ALG5: variants seen among roughly 807,000 people sequenced by gnomAD.
ALG5 encodes the protein ALG5 dolichyl-phosphate beta-glucosyltransferase, also known as dolichyl-phosphate beta-glucosyltransferase.
In ALG5, 26 loss-of-function variants were observed where a neutral mutation model predicts 51.8. That is an observed-to-expected ratio of 0.50 (90% CI 0.37 to 0.70). The LOEUF is 0.70. Ranked by LOEUF, ALG5 falls within the 30% of genes least tolerant of loss-of-function variation. The pLI, the probability that ALG5 is intolerant of heterozygous loss-of-function variation, is 0.00. For synonymous variants in ALG5, 141 were observed against 136.1 expected (o/e 1.04, Z -0.25); for missense variants, 311 against 399.3 (o/e 0.78, Z 1.88).
intron 1 of ALG5, among the ~76,000 whole-genome samples, chr13:36,996,725 T>TA (rs1449115755): frequency 6.6e-6 from 1 of 152,226 alleles, no homozygotes; most frequent in Non-Finnish European, 1.5e-5. Context: ...AAAGGTATTT[T>TA]AGGGTAAATG....
intron 6 of ALG5, 107 bp downstream of exon 6, chr13:36,985,519 AC>A: frequency 3.9e-6 from 3 of 771,012 alleles, no homozygotes; most frequent in South Asian, 3.8e-5. Context: ...AGGATTTCAT[AC>A]CAAAAACACT....
intron 3 of ALG5, 46 bp downstream of exon 3, chr13:36,994,943 T>C (rs1335155110): frequency 1.3e-6 from 2 of 1,551,536 alleles, no homozygotes; most frequent in African/African-American, 2.7e-5. Context: ...GGTGACCTGG[T>C]CTAGTTTTAA....
intron 5 of ALG5, among the ~76,000 whole-genome samples, chr13:36,987,144 GACTC>G (rs2059005453): frequency 6.6e-6 from 1 of 152,134 alleles, no homozygotes; most frequent in South Asian, 2.1e-4. Flanking sequence ...ATATGTGGAT[GACTC>G]ACTCACATCC....
upstream of ALG5, chr13:36,999,352 C>T (rs766467895): frequency 2.0e-4 from 287 of 1,465,384 alleles, 2 homozygotes; most frequent in Admixed American, 1.4e-3. Context: ...CAGGCGGAAG[C>T]GCGCCCGCGC....
chr13:36,984,313 C>T (rs1313830761), intron 6 of ALG5, among the ~76,000 whole-genome samples: 1 of 151,990 alleles, frequency 6.6e-6, no homozygotes, highest in Non-Finnish European at 1.5e-5. Context: ...GTTGCCCAGG[C>T]TGGGCTCAAA....
chr13:36,950,085 A>G (rs753256475), intron 9 of ALG5, 28 bp from the exon 10 acceptor site: 2 of 1,395,136 alleles, frequency 1.4e-6, no homozygotes, highest in Non-Finnish European at 2.0e-6. Context: ...TTAAAAACAA[A>G]TTAGCTTAAA....
chr13:36,986,902 G>A (rs1161551804), intron 5 of ALG5, among the ~76,000 whole-genome samples: 1 of 152,160 alleles, frequency 6.6e-6, no homozygotes, highest in Admixed American at 6.5e-5. Context: ...TCAATGATGC[G>A]TGATCAAACT....
intron 1 of ALG5, among the ~76,000 whole-genome samples, chr13:36,997,075 G>T (rs1433186443): frequency 6.6e-6 from 1 of 152,170 alleles, no homozygotes; most frequent in Non-Finnish European, 1.5e-5. Flanking sequence ...CTAACTACCA[G>T]TTTATAGAAA....
At chr13:36,972,108 A>G in intron 6 of ALG5, 72 bp from the exon 7 acceptor site, 1 of 1,179,000 alleles carries the variant, frequency 8.5e-7, no homozygotes, top group Non-Finnish European at 1.2e-6. Context: ...TTCAATGAGA[A>G]TATCTCATTT....
intron 4 of ALG5, among the ~76,000 whole-genome samples, chr13:36,991,076 G>A (rs530196577): frequency 6.6e-6 from 1 of 152,296 alleles, no homozygotes; most frequent in South Asian, 2.1e-4. Context: ...GATCCTTTGT[G>A]ATTCAGCCTT....
intron 8 of ALG5, among the ~76,000 whole-genome samples, chr13:36,954,670 A>G (rs1484357057): frequency 6.6e-6 from 1 of 152,220 alleles, no homozygotes; most frequent in Non-Finnish European, 1.5e-5. Context: ...GAAACAGTAT[A>G]AGGGTTATTC....
rs771323985 is a variant in ALG5 at position 36,952,508 on chromosome 13, A to T, written c.859+6T>A. ...AAGACAATCATACAATAAACAATAT[A>T]CTCACCTTCAATTTCTGTCCAGTTG... On this transcript the variant is annotated splice_donor_region_variant and intron_variant, in intron 9 of 9. Transcript: ENST00000239891. 2 of 1,585,852 alleles carry T rather than the reference A, an allele frequency of 1.3e-6. No individual in the cohort carries two copies. Among genetic ancestry groups the T allele is most frequent in the East Asian group, 4.6e-5 (2 of 43,860 alleles).
chr13:36,954,986 A>G (rs987328178), intron 8 of ALG5, among the ~76,000 whole-genome samples: 1 of 152,208 alleles, frequency 6.6e-6, no homozygotes, highest in African/African-American at 2.4e-5. Context: ...CAGTGGGAGA[A>G]GGGTGCCACA....
intron 7 of ALG5, 27 bp downstream of exon 7, chr13:36,971,950 G>A: frequency 6.4e-7 from 1 of 1,574,410 alleles, no homozygotes; most frequent in Non-Finnish European, 8.7e-7. Context: ...TTAATTGGCT[G>A]TCCCATGCCA....
intron 8 of ALG5, among the ~76,000 whole-genome samples, chr13:36,960,207 G>A (rs1486460392): frequency 6.6e-6 from 1 of 152,280 alleles, no homozygotes; most frequent in South Asian, 2.1e-4. Context: ...TGGAGTTTAC[G>A]TGTGGAGGGT....
Position 36,965,612 on chromosome 13 carries a change from C to T in ALG5, c.736G>A (p.Ala246Thr). Residue 246 changes from alanine (A) to threonine (T), a missense_variant, in exon 8 of 10, where the codon GCT (alanine) becomes ACT (threonine). Ala to Thr is a moderately conservative substitution (Grantham distance 58). Transcript: ENST00000239891. ...CGFKLFTREAASRTFSSLHVE... is the reference protein window; with the variant it reads ...CGFKLFTREATSRTFSSLHVE... ...TGTAGAGATGAAAACGTCCGTGAAG[C>T]TGCTTCTCGAGTAAATAATTTGAAC... 6.2e-7 allele frequency: 1 copy of T among 1,613,980 alleles called. No homozygotes were observed. The highest frequency in any genetic ancestry group is 8.5e-7 in the Non-Finnish European group (1 of 1,179,952).
intron 6 of ALG5, among the ~76,000 whole-genome samples, chr13:36,985,364 T>C (rs1224558219): frequency 6.6e-6 from 1 of 152,096 alleles, no homozygotes; most frequent in East Asian, 1.9e-4. Flanking sequence ...ACAATAAATA[T>C]TAAAACTTGG....
At chr13:36,983,937 G>C (rs949045868) in intron 6 of ALG5, among the ~76,000 whole-genome samples, 1 of 151,736 alleles carries the variant, frequency 6.6e-6, no homozygotes, top group Non-Finnish European at 1.5e-5. Flanking sequence ...ATTTGGGGGG[G>C]CCTTATATGT....
At position 36,994,726 on chromosome 13, in the gene ALG5, T is replaced by A. The variant is rs959199716; in HGVS notation, c.285+263A>T. 4.6e-5 allele frequency among the ~76,000 whole-genome samples: 7 copies of A among 151,820 alleles called. No homozygotes were observed. The South Asian group carries it at 1.5e-3, about 31-fold the overall frequency. ...CTGTCACTCAATTTTAAATATATCA[T>A]CAAGCAAGACAGGATTAAAATGGGT... On this transcript the variant is annotated intron_variant, in intron 3 of 9. Transcript: ENST00000239891.
Sources: gnomAD v4.1 joint callset for allele counts (sites outside exome capture counted in the v4.1 genomes callset) on GRCh38, gnomAD v4.1.1 for gene constraint, MANE v1.5 for transcripts, NCBI Gene and HGNC (gene_info 2026-07-23, HGNC 2026-07-21) for gene names.